MS4A5: variants seen among roughly 807,000 people sequenced by gnomAD.
The protein encoded by MS4A5 is membrane spanning 4-domains A5.
Under a neutral mutation model 18.2 loss-of-function variants are expected in MS4A5, and 15 were observed. The observed-to-expected ratio is 0.83, with a 90% CI of 0.55 to 1.27. The LOEUF is 1.27. Ranked by LOEUF, MS4A5 falls within the 50% of genes most tolerant of loss-of-function variation. The probability of loss-of-function intolerance (pLI) is 0.00; values close to 1 mark genes in which losing one functional copy is unlikely to be tolerated. For synonymous variants in MS4A5, 89 were observed against 78.7 expected (o/e 1.13, Z -0.69); for missense variants, 232 against 225.7 (o/e 1.03, Z -0.18).
At chr11:60,430,711 C>T (rs2135169810) in intron 1 of MS4A5, 85 bp from the exon 2 acceptor site, 1 of 1,506,088 alleles carries the variant, frequency 6.6e-7, no homozygotes, top group Non-Finnish European at 9.0e-7. Context: ...ATTGCCAAAT[C>T]CTTTTGACCA....
chr11:60,429,634 C>A lies in MS4A5; in HGVS notation c.-41C>A. The A allele has an allele frequency of 6.3e-7, 1 of 1,580,898 alleles. No homozygotes were observed. Among genetic ancestry groups the A allele is most frequent in the South Asian group, 1.2e-5 (1 of 84,812 alleles). Reference sequence around the variant, plus strand: ...AAAGAACATGGTCTAGACTGAAGTACCAACTAAATCATCTCCTTTCAAATT... The same window carrying A: ...AAAGAACATGGTCTAGACTGAAGTAACAACTAAATCATCTCCTTTCAAATT... On this transcript the variant is annotated 5_prime_UTR_variant, in exon 1 of 5. Transcript: ENST00000300190.
intron 2 of MS4A5, 26 bp downstream of exon 2, chr11:60,430,950 T>C: frequency 1.3e-6 from 2 of 1,597,112 alleles, no homozygotes; most frequent in Non-Finnish European, 1.7e-6. Context: ...CAAGTTCAAT[T>C]TGAAGCCATG....
rs1445704407 is a variant in MS4A5 at position 60,445,033 on chromosome 11, A to AATGAATTTCTGTGT, written c.493-2616_493-2615insATGAATTTCTGTGT. ...TACTTCTCAGCAATATAAAAGAACA[A>AATGAATTTCTGTGT]CCTACTGACACAGAGGAGCATGAAT... is the stretch of plus-strand genomic sequence containing the variant. On this transcript the variant is annotated intron_variant, in intron 4 of 4. Transcript: ENST00000300190. Among the ~76,000 whole-genome samples the AATGAATTTCTGTGT allele has an allele frequency of 2.3e-3, 357 of 152,296 alleles. 2 individuals carry two copies. Among genetic ancestry groups the AATGAATTTCTGTGT allele is most frequent in the African/African-American group, 8.4e-3 (348 of 41,558 alleles).
intron 2 of MS4A5, 88 bp from the exon 3 acceptor site, chr11:60,432,323 T>C: frequency 1.3e-6 from 1 of 778,532 alleles, no homozygotes; most frequent in East Asian, 2.9e-5. Flanking sequence ...AAGGCGGGCC[T>C]GTAAAAGAAA....
chr11:60,437,476 G>A (rs2086086708), intron 4 of MS4A5, among the ~76,000 whole-genome samples: 1 of 152,048 alleles, frequency 6.6e-6, no homozygotes, highest in South Asian at 2.1e-4. Flanking sequence ...ACACAGACTG[G>A]CAAATTGGAT....
In MS4A5 at chr11:60,447,628, TTTC is replaced by T. The variant is rs745847742; in HGVS notation, c.493-10_493-8del. ...CCAACATCATGACTCTTCATTTTTTTTTCTTCTTCTTCTATTACAGGGAATTTT... is the reference window on the plus strand; with the variant it reads ...CCAACATCATGACTCTTCATTTTTTTTTCTTCTTCTATTACAGGGAATTTT... On this transcript the variant is annotated intron_variant, in intron 4 of 4. Transcript: ENST00000300190. The T allele has an allele frequency of 1.8e-5, 25 of 1,369,196 alleles. No individual in the cohort carries two copies. Among genetic ancestry groups the T allele is most frequent in the African/African-American group, 1.2e-4 (8 of 67,228 alleles). 84.8% of individuals were successfully genotyped at this position (1,369,196 alleles called of 1,614,324 possible).
At chr11:60,433,256 G>A (rs1336677448) in intron 3 of MS4A5, among the ~76,000 whole-genome samples, 1 of 152,182 alleles carries the variant, frequency 6.6e-6, no homozygotes, top group Non-Finnish European at 1.5e-5. Context: ...GCTACTGAAT[G>A]TAAAGTTATA....
intron 4 of MS4A5, among the ~76,000 whole-genome samples, chr11:60,437,840 C>G (rs1471044623): frequency 6.7e-6 from 1 of 149,948 alleles, no homozygotes; most frequent in Admixed American, 6.7e-5. Context: ...TTTAACACCC[C>G]ACTGTCAACA....
chr11:60,437,361 C>A (rs1438370907), intron 4 of MS4A5, among the ~76,000 whole-genome samples: 11 of 148,310 alleles, frequency 7.4e-5, no homozygotes, highest in African/African-American at 2.7e-4. Flanking sequence ...GAAACTGCAT[C>A]AACTAACGAG....
At chr11:60,436,624 C>T (rs12365531) in intron 4 of MS4A5, among the ~76,000 whole-genome samples, 42,763 of 129,886 alleles carry the variant, frequency 0.33, 10,936 homozygotes, top group Non-Finnish European at 0.39. Flanking sequence ...ACGTGAAGAA[C>T]GCAGAAGCCT....
At chr11:60,443,376 A>G (rs537610392) in intron 4 of MS4A5, among the ~76,000 whole-genome samples, 41 of 152,308 alleles carry the variant, frequency 2.7e-4, no homozygotes, top group African/African-American at 9.1e-4. Flanking sequence ...TGAAATTCTA[A>G]GTTATACAAG....
At chr11:60,432,559 G>A (rs1247563936) in intron 3 of MS4A5, 92 bp downstream of exon 3, 18 of 724,612 alleles carry the variant, frequency 2.5e-5, no homozygotes, top group African/African-American at 1.6e-4. Context: ...AGGCCAAGAC[G>A]GGTGGATCAT....
chr11:60,445,079 G>A (rs373895170), intron 4 of MS4A5, among the ~76,000 whole-genome samples: 162 of 151,952 alleles, frequency 1.1e-3, no homozygotes, highest in African/African-American at 3.7e-3. Flanking sequence ...TTATTATACC[G>A]AGGCAAACAA....
chr11:60,436,427 ATGACTT>A (rs1486399800), intron 4 of MS4A5, among the ~76,000 whole-genome samples: 1 of 139,838 alleles, frequency 7.2e-6, no homozygotes, highest in African/African-American at 2.5e-5. Context: ...TGGATGGAGA[ATGACTT>A]TGACGAGTTG....
At chr11:60,440,692 G>C (rs1211654247) in intron 4 of MS4A5, among the ~76,000 whole-genome samples, 1 of 143,906 alleles carries the variant, frequency 6.9e-6, no homozygotes, top group Non-Finnish European at 1.5e-5. Flanking sequence ...ACCATCACTG[G>C]CCATCAGAGA....
At chr11:60,438,032 T>A (rs1337699037) in intron 4 of MS4A5, among the ~76,000 whole-genome samples, 1 of 152,084 alleles carries the variant, frequency 6.6e-6, no homozygotes, top group African/African-American at 2.4e-5. Flanking sequence ...AGTAAAGCTC[T>A]CCTCAGCAAA....
At position 60,430,651 on chromosome 11, in the gene MS4A5, G is replaced by T. The variant is rs115037760; in HGVS notation, c.154-145G>T. On this transcript the variant is annotated intron_variant, in intron 1 of 4. Transcript: ENST00000300190. ...AGAGGAATTAAGAAAGTACCCAGGA[G>T]CATCATAAAGGGACTTCTATTATTC... is the stretch of plus-strand genomic sequence containing the variant. 4 of 848,152 alleles carry T rather than the reference G, an allele frequency of 4.7e-6. No homozygotes were observed. In the Admixed American group the frequency reaches 7.2e-5, roughly 15 times the overall value. The allele number at this position is 848,152 out of a possible 1,614,324, so 52.5% of individuals were successfully genotyped here.
intron 4 of MS4A5, among the ~76,000 whole-genome samples, chr11:60,440,298 C>T (rs1463599571): frequency 3.4e-5 from 4 of 116,730 alleles, no homozygotes; most frequent in Admixed American, 9.1e-5. Flanking sequence ...AAGACTTAAA[C>T]GTTAGACCTA....
intron 4 of MS4A5, among the ~76,000 whole-genome samples, chr11:60,436,448 G>C (rs1254856653): frequency 5.1e-5 from 7 of 137,908 alleles, no homozygotes; most frequent in African/African-American, 1.7e-4. Context: ...GAGTTGAGAG[G>C]AGGCTTCAGA....
Sources: allele counts gnomAD v4.1 joint callset (sites outside exome capture counted in the v4.1 genomes callset), GRCh38; gene constraint gnomAD v4.1.1; transcripts MANE v1.5; gene names NCBI Gene and HGNC (gene_info 2026-07-23, HGNC 2026-07-21).